CD47: variants seen among roughly 807,000 people sequenced by gnomAD.
CD47 encodes the protein leukocyte surface antigen CD47.
A neutral mutation model predicts 44.6 loss-of-function variants in CD47; 11 were observed. The ratio of observed to expected loss-of-function variants is 0.25; its 90% CI spans 0.16 to 0.41. The LOEUF (loss-of-function observed/expected upper bound fraction) is 0.41. Among genes scored for constraint, CD47 ranks in the 10% least tolerant of loss-of-function variants. The pLI is 1.00. For missense variants in CD47, 306 were observed against 386.7 expected (o/e 0.79, Z 1.75); for synonymous variants, 140 against 136.3 (o/e 1.03, Z -0.19).
At chr3:108,069,550 C>T (rs2108250692) in intron 3 of CD47, among the ~76,000 whole-genome samples, 1 of 144,820 alleles carries the variant, frequency 6.9e-6, no homozygotes, top group African/African-American at 2.6e-5. Context: ...CTACTTTGTA[C>T]GAGGTGTTCT....
At chr3:108,083,828 AGAG>A (rs2079464278) in intron 1 of CD47, among the ~76,000 whole-genome samples, 1 of 151,640 alleles carries the variant, frequency 6.6e-6, no homozygotes, top group African/African-American at 2.4e-5. Flanking sequence ...TGAAACCTTC[AGAG>A]GAGAATCCTG....
rs1305253664 is a variant in CD47, at chr3:108,045,951, C to G, written c.*1337G>C. 1 of 152,190 alleles carries G rather than the reference C, an allele frequency of 6.6e-6. No individual in the cohort carries two copies. The highest frequency in any genetic ancestry group is 1.5e-5 in the Non-Finnish European group (1 of 68,040). 9.4% of individuals were successfully genotyped at this position (152,190 alleles called of 1,614,324 possible). ...AAAGCACAAAATTAACCTTTGCTCT[C>G]CTGTAGGTACCCCACCTTTGTCCAT... On this transcript the variant is annotated 3_prime_UTR_variant, in exon 11 of 11. Coordinates refer to ENST00000361309, the MANE Select transcript of CD47 (RefSeq NM_001777.4).
At chr3:108,086,321 G>T (rs1028402947) in intron 1 of CD47, among the ~76,000 whole-genome samples, 8 of 151,740 alleles carry the variant, frequency 5.3e-5, no homozygotes, top group Non-Finnish European at 8.8e-5. Flanking sequence ...GAGAAAGGGA[G>T]ATCCGTTAAC....
At position 108,045,434 on chromosome 3, in the gene CD47, G is replaced by C. The variant is rs2078706579; in HGVS notation, c.*1854C>G. ...AAGTGCTGCAGGAGCCATCAGATTT[G>C]TATAAAGGAATACAGCTCCCTCTAT... is the stretch of plus-strand genomic sequence containing the variant. On this transcript the variant is annotated 3_prime_UTR_variant, in exon 11 of 11. Coordinates refer to ENST00000361309, the MANE Select transcript of CD47 (RefSeq NM_001777.4). 1 of 152,526 alleles carries C rather than the reference G, an allele frequency of 6.6e-6. No homozygotes were observed. Among genetic ancestry groups the C allele is most frequent in the African/African-American group, 2.4e-5 (1 of 41,438 alleles). The allele number at this position is 152,526 out of a possible 1,614,324, so 9.4% of individuals were successfully genotyped here.
intron 5 of CD47, among the ~76,000 whole-genome samples, chr3:108,059,218 A>G (rs2078970081): frequency 6.6e-6 from 1 of 152,196 alleles, no homozygotes; most frequent in Non-Finnish European, 1.5e-5. Flanking sequence ...ATAATTTAAA[A>G]TTATGCTGAT....
At chr3:108,090,270 G>C (rs2079605353) in intron 1 of CD47, among the ~76,000 whole-genome samples, 1 of 152,136 alleles carries the variant, frequency 6.6e-6, no homozygotes, top group Non-Finnish European at 1.5e-5. Flanking sequence ...TTACACGGCC[G>C]GAAGATTCTT....
rs778111418 is a variant in CD47 at position 108,080,120 on chromosome 3, A to G, written c.271T>C (p.Leu91=). 6.2e-7 allele frequency: 1 copy of G among 1,612,998 alleles called. No individual in the cohort carries two copies. Among genetic ancestry groups the G allele is most frequent in the South Asian group, 1.1e-5 (1 of 91,046 alleles). Residue 91 remains leucine (L), a synonymous_variant, in exon 2 of 11, where the codon TTA becomes CTA. Transcript: ENST00000361309. ...FSSAKIEVSQ[L]LKGDASLKMD... is the part of the protein sequence containing the mutation. ...TTCAAAGAGGCATCTCCTTTTAGTA[A>G]TTGTGAGACTTCAATTTTTGCACTA...
At chr3:108,089,642 T>G (rs1316872005) in intron 1 of CD47, among the ~76,000 whole-genome samples, 1 of 152,100 alleles carries the variant, frequency 6.6e-6, no homozygotes, top group East Asian at 1.9e-4. Flanking sequence ...ACCATTTAGA[T>G]AACGGAGACC....
At chr3:108,059,869 C>T (rs1159051043) in intron 4 of CD47, among the ~76,000 whole-genome samples, 1 of 152,138 alleles carries the variant, frequency 6.6e-6, no homozygotes, top group Non-Finnish European at 1.5e-5. Context: ...ATCAATTGTT[C>T]CTTCAAGTTG....
chr3:108,066,279 TA>T (rs1362746261), intron 3 of CD47, among the ~76,000 whole-genome samples: 1 of 152,234 alleles, frequency 6.6e-6, no homozygotes, highest in East Asian at 1.9e-4. Context: ...ATGCCTAGAA[TA>T]CAGTTTTAAA....
intron 2 of CD47, among the ~76,000 whole-genome samples, 153 bp downstream of exon 2, chr3:108,079,838 C>G (rs1200463436): frequency 1.3e-5 from 2 of 151,838 alleles, no homozygotes; most frequent in Non-Finnish European, 2.9e-5. Context: ...ATAGAAATCA[C>G]AATCTTAAAC....
At chr3:108,051,177 G>A (rs2078820344) in intron 8 of CD47, among the ~76,000 whole-genome samples, 1 of 151,992 alleles carries the variant, frequency 6.6e-6, no homozygotes, top group Admixed American at 6.6e-5. Flanking sequence ...CTCTACCTCC[G>A]GCCACAGACA....
At chr3:108,049,895 C>T (rs527936680) in intron 9 of CD47, among the ~76,000 whole-genome samples, 77 of 152,214 alleles carry the variant, frequency 5.1e-4, no homozygotes, top group Non-Finnish European at 8.5e-4. Context: ...ATGTTTTGGT[C>T]TATCTCTGTG....
At chr3:108,049,094 ATC>A (rs55708779) in intron 10 of CD47, among the ~76,000 whole-genome samples, 177 of 129,356 alleles carry the variant, frequency 1.4e-3, no homozygotes, top group African/African-American at 3.5e-3. Context: ...AGGACGAAAC[ATC>A]TCTCTCTCTC....
chr3:108,061,807 TAGAG>T (rs2079020191), intron 3 of CD47, among the ~76,000 whole-genome samples: 10 of 152,192 alleles, frequency 6.6e-5, no homozygotes, highest in Admixed American at 5.2e-4. Context: ...GTCATCCACA[TAGAG>T]ATAGTCTCCA....
At position 108,043,314 on chromosome 3, in the gene CD47, T is replaced by C. The variant is rs1460052317; in HGVS notation, c.*3974A>G. Reference sequence around the variant, plus strand: ...CCCAACAAAATAGCTTAAAATGTTTTATTAAGTATATATAATATTACAGGG... The same window carrying C: ...CCCAACAAAATAGCTTAAAATGTTTCATTAAGTATATATAATATTACAGGG... On this transcript the variant is annotated 3_prime_UTR_variant, in exon 11 of 11. Transcript: ENST00000361309. 6.6e-6 allele frequency: 1 copy of C among 152,496 alleles called. No individual in the cohort carries two copies. Among genetic ancestry groups the C allele is most frequent in the East Asian group, 1.9e-4 (1 of 5,196 alleles). 9.4% of individuals were successfully genotyped at this position (152,496 alleles called of 1,614,324 possible). A position where few individuals can be genotyped will look rare whatever the true frequency, so the allele number is the denominator to read the frequency against.
intron 3 of CD47, 116 bp from the exon 4 acceptor site, chr3:108,060,968 G>A (rs1002585400): frequency 1.8e-5 from 12 of 649,650 alleles, no homozygotes; most frequent in Non-Finnish European, 3.0e-5. Context: ...AACTTATGAG[G>A]AACAACTCCT....
chr3:108,046,498 A>G lies in CD47; in HGVS notation c.*790T>C, dbSNP rs2078724364. 1 of 152,682 alleles carries G rather than the reference A, an allele frequency of 6.5e-6. No homozygotes were observed. The highest frequency in any genetic ancestry group is 6.5e-5 in the Admixed American group (1 of 15,284). 9.5% of individuals were successfully genotyped at this position (152,682 alleles called of 1,614,324 possible). A position where few individuals can be genotyped will look rare whatever the true frequency, so the allele number is the denominator to read the frequency against. ...ACTGGTGCTACCGTGTCACTAGACCATGTTCAAAGAGGAGAAAAGGTGCTA... is the reference window on the plus strand; with the variant it reads ...ACTGGTGCTACCGTGTCACTAGACCGTGTTCAAAGAGGAGAAAAGGTGCTA... On this transcript the variant is annotated 3_prime_UTR_variant, in exon 11 of 11. Coordinates refer to ENST00000361309, the MANE Select transcript of CD47 (RefSeq NM_001777.4).
chr3:108,065,560 C>T (rs1053104328), intron 3 of CD47, among the ~76,000 whole-genome samples: 7 of 152,040 alleles, frequency 4.6e-5, no homozygotes, highest in African/African-American at 1.7e-4. Flanking sequence ...TGCCTGTAAT[C>T]TCAGCACTTT....
Sources: allele counts gnomAD v4.1 joint callset (sites outside exome capture counted in the v4.1 genomes callset), GRCh38; gene constraint gnomAD v4.1.1; transcripts MANE v1.5; gene names NCBI Gene and HGNC (gene_info 2026-07-23, HGNC 2026-07-21).